The following TMEM132C variants were observed in gnomAD, a reference collection of about 807,000 sequenced individuals.
TMEM132C encodes the protein protein phosphatase 1, regulatory subunit 152.
Under a neutral mutation model 61.4 loss-of-function variants are expected in TMEM132C, and 29 were observed. The ratio of observed to expected loss-of-function variants is 0.47; its 90% confidence interval spans 0.35 to 0.64. The LOEUF (loss-of-function observed/expected upper bound fraction) is 0.64, where lower values mean the gene tolerates loss of function less well. TMEM132C is among the 30% of genes least tolerant of loss of function. The pLI, the probability that TMEM132C is intolerant of heterozygous loss-of-function variation, is 0.00. For missense variants in TMEM132C, 1,408 were observed against 1,476.9 expected (o/e 0.95, Z 0.76); for synonymous variants, 656 against 633.1 (o/e 1.04, Z -0.54).
At chr12:128,430,687 G>A (rs1869353952) in intron 2 of TMEM132C, among the ~76,000 whole-genome samples, 1 of 152,116 alleles carries the variant, frequency 6.6e-6, no homozygotes, top group Non-Finnish European at 1.5e-5. Context: ...GTCACATTTT[G>A]ACAATTCTTG....
At chr12:128,505,904 C>T (rs1394204000) in intron 2 of TMEM132C, among the ~76,000 whole-genome samples, 2 of 112,456 alleles carry the variant, frequency 1.8e-5, no homozygotes, top group Non-Finnish European at 3.9e-5. Flanking sequence ...TTTGGGATGG[C>T]ACTTGCATTC....
intron 2 of TMEM132C, among the ~76,000 whole-genome samples, chr12:128,542,162 A>T (rs1049880985): frequency 6.6e-6 from 1 of 151,774 alleles, no homozygotes; most frequent in Admixed American, 6.6e-5. Context: ...TTGGTTGTTG[A>T]CTCTGCTCAC....
intron 2 of TMEM132C, among the ~76,000 whole-genome samples, chr12:128,464,814 A>AGAAAGAGAGAAAGAG (rs1204922690): frequency 5.9e-5 from 8 of 136,208 alleles, no homozygotes; most frequent in East Asian, 2.0e-4. Context: ...GGGAGGAAGG[A>AGAAAGAGAGAAAGAG]AGAAAATAAA....
At position 128,332,456 on chromosome 12, in the gene TMEM132C, C is replaced by T. The variant is rs371256966; in HGVS notation, c.85+64969C>T. 2.7e-3 allele frequency among the ~76,000 whole-genome samples: 411 copies of T among 151,624 alleles called. 1 individual carries two copies. The highest frequency in any genetic ancestry group is 5.2e-3 in the Non-Finnish European group (352 of 68,024). On this transcript the variant is annotated intron_variant, in intron 1 of 8. Transcript: ENST00000435159. Reference sequence around the variant, plus strand: ...TTCCTTGAAGATGTATTCTCTTTCTCTCTCTTTCTCTCTCTGCTGTGAGCC... The same window carrying T: ...TTCCTTGAAGATGTATTCTCTTTCTTTCTCTTTCTCTCTCTGCTGTGAGCC...
At chr12:128,515,759 C>T (rs7132105) in intron 2 of TMEM132C, among the ~76,000 whole-genome samples, 5,326 of 151,808 alleles carry the variant, frequency 0.035, 155 homozygotes, top group Admixed American at 0.087. Context: ...GGCGTGAACC[C>T]GGGAGGCGGA....
chr12:128,360,496 A>G (rs1253908544), intron 1 of TMEM132C, among the ~76,000 whole-genome samples: 1 of 152,134 alleles, frequency 6.6e-6, no homozygotes, highest in Non-Finnish European at 1.5e-5. Flanking sequence ...TTTGAACATA[A>G]ATGTCCCCTC....
chr12:128,572,666 C>G (rs944889929), intron 3 of TMEM132C, among the ~76,000 whole-genome samples: 1 of 151,982 alleles, frequency 6.6e-6, no homozygotes, highest in Admixed American at 6.5e-5. Context: ...CACATGCCCA[C>G]TGTGGCCTCT....
intron 1 of TMEM132C, among the ~76,000 whole-genome samples, chr12:128,330,749 G>C (rs1214311185): frequency 6.6e-6 from 1 of 152,028 alleles, no homozygotes; most frequent in Non-Finnish European, 1.5e-5. Context: ...ATTCCTAGTA[G>C]AAAAATTCTA....
chr12:128,289,842 C>G (rs1856252601), intron 1 of TMEM132C, among the ~76,000 whole-genome samples: 1 of 152,134 alleles, frequency 6.6e-6, no homozygotes, highest in Non-Finnish European at 1.5e-5. Flanking sequence ...GCATTTTCCC[C>G]AAAACATCAA....
intron 4 of TMEM132C, among the ~76,000 whole-genome samples, chr12:128,643,895 T>C (rs1158819446): frequency 1.3e-5 from 2 of 152,090 alleles, no homozygotes; most frequent in Non-Finnish European, 2.9e-5. Context: ...CTCGATGAAC[T>C]TGAGCCAAAA....
chr12:128,461,359 C>T (rs1470821584), intron 2 of TMEM132C, among the ~76,000 whole-genome samples: 2 of 152,224 alleles, frequency 1.3e-5, no homozygotes, highest in African/African-American at 4.8e-5. Flanking sequence ...AGACCCCATC[C>T]GAAGACATTT....
rs1369275735 is a variant in TMEM132C at position 128,433,647 on chromosome 12, G to A, written c.974+18027G>A. Reference sequence around the variant, plus strand: ...AGACGGGACTTGGGAAAACTTAAGTGTTGATAGGACCCTCAGAGGATCCTC... The same window carrying A: ...AGACGGGACTTGGGAAAACTTAAGTATTGATAGGACCCTCAGAGGATCCTC... On this transcript the variant is annotated intron_variant, in intron 2 of 8. Coordinates refer to ENST00000435159, the MANE Select transcript of TMEM132C (RefSeq NM_001136103.3). Among the ~76,000 whole-genome samples, 5 of 152,312 alleles carry A rather than the reference G, an allele frequency of 3.3e-5. No homozygotes were observed. In the East Asian group the frequency reaches 7.7e-4, roughly 24 times the overall value.
chr12:128,654,750 T>C, intron 4 of TMEM132C, among the ~76,000 whole-genome samples: 1 of 152,162 alleles, frequency 6.6e-6, no homozygotes, highest in East Asian at 1.9e-4. Flanking sequence ...TGGATCTTAA[T>C]TGGTACACTG....
At chr12:128,391,221 C>T (rs1483305600) in intron 1 of TMEM132C, among the ~76,000 whole-genome samples, 9 of 152,232 alleles carry the variant, frequency 5.9e-5, no homozygotes, top group Admixed American at 5.9e-4. Context: ...TAAATCCTAA[C>T]TCCACTCTGG....
At chr12:128,360,796 C>T (rs1651258256) in intron 1 of TMEM132C, among the ~76,000 whole-genome samples, 1 of 152,210 alleles carries the variant, frequency 6.6e-6, no homozygotes, top group African/African-American at 2.4e-5. Context: ...TGTCCATCCA[C>T]ACCTGCTTCT....
At chr12:128,494,687 G>A (rs1871876122) in intron 2 of TMEM132C, among the ~76,000 whole-genome samples, 1 of 151,984 alleles carries the variant, frequency 6.6e-6, no homozygotes, top group Non-Finnish European at 1.5e-5. Flanking sequence ...TGGGATCGGT[G>A]GTGATATCCC....
At chr12:128,269,704 T>C (rs764828129) in intron 1 of TMEM132C, among the ~76,000 whole-genome samples, 1 of 152,128 alleles carries the variant, frequency 6.6e-6, no homozygotes, top group Non-Finnish European at 1.5e-5. Flanking sequence ...TTGTTTCTCA[T>C]GATCAAAAGC....
chr12:128,686,354 G>A (rs1437616073), intron 5 of TMEM132C, among the ~76,000 whole-genome samples: 1 of 152,208 alleles, frequency 6.6e-6, no homozygotes, highest in South Asian at 2.1e-4. Context: ...AGATTTGGGA[G>A]GCAAAGGAGG....
intron 1 of TMEM132C, among the ~76,000 whole-genome samples, chr12:128,298,129 G>T (rs1871468241): frequency 1.3e-5 from 2 of 152,118 alleles, no homozygotes; most frequent in Admixed American, 6.5e-5. Context: ...CCCAGTACAG[G>T]TTCAGGATGT....
Sources: gnomAD v4.1 joint callset for allele counts (sites outside exome capture counted in the v4.1 genomes callset) on GRCh38, gnomAD v4.1.1 for gene constraint, MANE v1.5 for transcripts, NCBI Gene and HGNC (gene_info 2026-07-23, HGNC 2026-07-21) for gene names.